COL22A1: variants seen among roughly 807,000 people sequenced by gnomAD.
The protein encoded by COL22A1 is collagen alpha-1(XXII) chain.
In COL22A1, 221 loss-of-function variants were observed where a neutral mutation model predicts 248.9. The observed-to-expected ratio is 0.89, with a 90% CI of 0.80 to 0.99. The LOEUF is 0.99. Ranked by LOEUF, COL22A1 falls within the 50% of genes least tolerant of loss-of-function variation. The probability of loss-of-function intolerance (pLI) is 0.00; values close to 1 mark genes in which losing one functional copy is unlikely to be tolerated. For synonymous variants in COL22A1, 891 were observed against 793.4 expected (o/e 1.12, Z -2.07); for missense variants, 2,240 against 2,179.0 (o/e 1.03, Z -0.56).
At position 138,667,435 on chromosome 8, in the gene COL22A1, C is replaced by T. The variant is rs1824606850; in HGVS notation, c.3151-3695G>A. Reference sequence around the variant, plus strand: ...TAAATAGACCCCCATTGGCAGAAGACAAGACAAAATGAGCATAAAAAGGAA... The same window carrying T: ...TAAATAGACCCCCATTGGCAGAAGATAAGACAAAATGAGCATAAAAAGGAA... On this transcript the variant is annotated intron_variant, in intron 41 of 64. Transcript: ENST00000303045. Among the ~76,000 whole-genome samples, 3 of 152,134 alleles carry T rather than the reference C, an allele frequency of 2.0e-5. No homozygotes were observed. In the South Asian group the frequency reaches 6.2e-4, roughly 32 times the overall value.
intron 22 of COL22A1, among the ~76,000 whole-genome samples, chr8:138,743,109 T>A (rs1321360370): frequency 6.7e-6 from 1 of 150,056 alleles, no homozygotes; most frequent in East Asian, 2.0e-4. Flanking sequence ...TTGATGAGGG[T>A]GATGGTGGTA....
intron 12 of COL22A1, among the ~76,000 whole-genome samples, chr8:138,792,134 C>A (rs907538862): frequency 6.6e-6 from 1 of 152,084 alleles, no homozygotes; most frequent in African/African-American, 2.4e-5. Flanking sequence ...GGTGTCAGGG[C>A]CCCTGAATAT....
chr8:138,716,461 C>T lies in COL22A1; in HGVS notation c.2401-172G>A, dbSNP rs148435314. On this transcript the variant is annotated intron_variant, in intron 28 of 64. Transcript: ENST00000303045. ...AAGCGGAATTCTAGAGAATTTCGTTCACTAGGGCATCCCCAAGCTCTTGTC... is the reference window on the plus strand; with the variant it reads ...AAGCGGAATTCTAGAGAATTTCGTTTACTAGGGCATCCCCAAGCTCTTGTC... 8.5e-5 allele frequency among the ~76,000 whole-genome samples: 13 copies of T among 152,298 alleles called. 1 individual carries two copies. The East Asian group carries it at 2.5e-3, about 29-fold the overall frequency.
intron 32 of COL22A1, among the ~76,000 whole-genome samples, chr8:138,696,165 C>T (rs12674962): frequency 0.47 from 71,456 of 151,992 alleles, 18,450 homozygotes; most frequent in East Asian, 0.77. Flanking sequence ...TTCTCCAGGA[C>T]GGCAGATAAC....
intron 50 of COL22A1, among the ~76,000 whole-genome samples, chr8:138,629,911 C>G (rs1197469229): frequency 6.6e-6 from 1 of 152,162 alleles, no homozygotes; most frequent in Non-Finnish European, 1.5e-5. Flanking sequence ...CTGTGTGACC[C>G]TGAACTGGCC....
intron 1 of COL22A1, among the ~76,000 whole-genome samples, chr8:138,905,728 G>A (rs993570512): frequency 2.6e-5 from 4 of 152,094 alleles, no homozygotes; most frequent in East Asian, 1.9e-4. Context: ...AGACAGTTTC[G>A]TTCATGTTCT....
At chr8:138,850,080 C>T (rs986024059) in intron 3 of COL22A1, among the ~76,000 whole-genome samples, 31 of 152,310 alleles carry the variant, frequency 2.0e-4, no homozygotes, top group African/African-American at 6.3e-4. Context: ...CCATGGTGTG[C>T]ACCCTGTGAG....
intron 3 of COL22A1, among the ~76,000 whole-genome samples, chr8:138,860,200 G>A (rs1280825094): frequency 1.3e-5 from 2 of 152,062 alleles, no homozygotes; most frequent in African/African-American, 4.8e-5. Flanking sequence ...CAAGACCTCT[G>A]AGCTCACCCT....
intron 17 of COL22A1, among the ~76,000 whole-genome samples, chr8:138,762,175 A>G (rs1458942485): frequency 6.6e-6 from 1 of 152,158 alleles, no homozygotes; most frequent in African/African-American, 2.4e-5. Flanking sequence ...ACATTATGAT[A>G]ACGCACCACC....
chr8:138,715,817 C>T (rs1405952314), intron 29 of COL22A1, 82 bp from the exon 30 acceptor site: 1 of 1,018,856 alleles, frequency 9.8e-7, no homozygotes, highest in African/African-American at 1.6e-5. Flanking sequence ...AGCAACATGA[C>T]TTTGGAAAAA....
intron 55 of COL22A1, 112 bp from the exon 56 acceptor site, chr8:138,614,032 A>C: frequency 1.2e-6 from 1 of 811,580 alleles, no homozygotes; most frequent in South Asian, 1.5e-5. Context: ...GGAACCAACA[A>C]ATTGTCCAGC....
intron 1 of COL22A1, among the ~76,000 whole-genome samples, chr8:138,907,067 C>G (rs912922523): frequency 2.0e-5 from 3 of 152,198 alleles, no homozygotes; most frequent in Non-Finnish European, 4.4e-5. Flanking sequence ...AGGTGTGTAC[C>G]AGGGAGGGGC....
At position 138,902,745 on chromosome 8, in the gene COL22A1, C is replaced by T. The variant is rs1434254069; in HGVS notation, c.-73+10874G>A. Among the ~76,000 whole-genome samples the T allele has an allele frequency of 1.7e-3, 215 of 128,630 alleles. 1 individual carries two copies. The highest frequency in any genetic ancestry group is 4.6e-3 in the African/African-American group (143 of 31,284). 84.4% of individuals were successfully genotyped at this position (128,630 alleles called of 152,430 possible). ...TTATAAATATATATATATATACACA[C>T]ACACACACACACACACACACACACA... On this transcript the variant is annotated intron_variant, in intron 1 of 64. Coordinates refer to ENST00000303045, the MANE Select transcript of COL22A1 (RefSeq NM_152888.3).
intron 12 of COL22A1, among the ~76,000 whole-genome samples, chr8:138,794,828 T>G (rs1478089639): frequency 6.6e-6 from 1 of 152,114 alleles, no homozygotes; most frequent in Non-Finnish European, 1.5e-5. Context: ...AAATACTACA[T>G]AATTCCACAT....
intron 3 of COL22A1, among the ~76,000 whole-genome samples, chr8:138,844,978 G>A (rs1441878498): frequency 2.0e-5 from 3 of 150,580 alleles, no homozygotes; most frequent in Non-Finnish European, 4.4e-5. Context: ...AGGAAAGCAT[G>A]CACATATACA....
chr8:138,825,095 C>A (rs139628970), intron 6 of COL22A1, among the ~76,000 whole-genome samples: 188 of 152,298 alleles, frequency 1.2e-3, no homozygotes, highest in Middle Eastern at 6.8e-3. Flanking sequence ...AGTCCCACTG[C>A]ACCAGACCCT....
chr8:138,750,750 A>G (rs1832524212), intron 22 of COL22A1, among the ~76,000 whole-genome samples: 1 of 152,156 alleles, frequency 6.6e-6, no homozygotes, highest in Admixed American at 6.5e-5. Context: ...AGGCGATACA[A>G]GCTTAACGGT....
intron 62 of COL22A1, 91 bp from the exon 63 acceptor site, chr8:138,594,290 G>A (rs1484375053): frequency 4.6e-6 from 5 of 1,097,598 alleles, no homozygotes; most frequent in African/African-American, 3.4e-5. Context: ...GAACCAGGGG[G>A]CCGATAATAG....
At chr8:138,645,524 G>A (rs988284807) in intron 47 of COL22A1, among the ~76,000 whole-genome samples, 1 of 152,268 alleles carries the variant, frequency 6.6e-6, no homozygotes, top group Non-Finnish European at 1.5e-5. Flanking sequence ...CAACAACTGA[G>A]GTATCACAAC....
Sources: allele counts gnomAD v4.1 joint callset (sites outside exome capture counted in the v4.1 genomes callset), GRCh38; gene constraint gnomAD v4.1.1; transcripts MANE v1.5; gene names NCBI Gene and HGNC (gene_info 2026-07-23, HGNC 2026-07-21).